The following TPO variants were observed in gnomAD, a reference collection of about 807,000 sequenced individuals.
TPO encodes the protein thyroid peroxidase, also known as thyroid microsomal antigen.
TPO carries 78 observed loss-of-function variants against 96.9 expected under a neutral mutation model. The ratio of observed to expected loss-of-function variants is 0.81; its 90% confidence interval spans 0.67 to 0.97. The LOEUF is 0.97. Among genes scored for constraint, TPO ranks in the 50% least tolerant of loss-of-function variants. TPO has a pLI of 0.00. For missense variants in TPO, 1,252 were observed against 1,274.8 expected (o/e 0.98, Z 0.27); for synonymous variants, 547 against 538.0 (o/e 1.02, Z -0.23).
At chr2:1,386,179 A>C (rs1039281848) in intron 1 of TPO, among the ~76,000 whole-genome samples, 1 of 152,162 alleles carries the variant, frequency 6.6e-6, no homozygotes, top group African/African-American at 2.4e-5. Flanking sequence ...GTGGAGAAGA[A>C]TGTATGTTCT....
At chr2:1,481,051 C>T (rs781280377) in intron 8 of TPO, among the ~76,000 whole-genome samples, 14 of 151,908 alleles carry the variant, frequency 9.2e-5, no homozygotes, top group Admixed American at 2.6e-4. Context: ...TCTCGGGGGA[C>T]TCGCACGTAG....
chr2:1,422,388 C>CTCTCCTGGACCGACCTCGT (rs1573110964), intron 2 of TPO, among the ~76,000 whole-genome samples: 2 of 152,026 alleles, frequency 1.3e-5, no homozygotes, highest in Admixed American at 1.3e-4. Context: ...GTGCAGGCGC[C>CTCTCCTGGACCGACCTCGT]GCGCTGGGCC....
At chr2:1,524,137 CTG>C (rs1484983206) in intron 15 of TPO, among the ~76,000 whole-genome samples, 1 of 128,142 alleles carries the variant, frequency 7.8e-6, no homozygotes, top group African/African-American at 3.0e-5. Context: ...ACCCCCAACT[CTG>C]TGCAACCTCC....
chr2:1,539,217 C>G (rs372938479), intron 15 of TPO, among the ~76,000 whole-genome samples: 18 of 152,184 alleles, frequency 1.2e-4, no homozygotes, highest in African/African-American at 3.6e-4. Flanking sequence ...GCTTTCACAT[C>G]GCACGAACAC....
chr2:1,463,672 G>A (rs1331310099), intron 7 of TPO, among the ~76,000 whole-genome samples: 1 of 152,176 alleles, frequency 6.6e-6, no homozygotes, highest in African/African-American at 2.4e-5. Flanking sequence ...TTAGGACTGG[G>A]CTTTTCTTCA....
chr2:1,537,278 C>T (rs1397728968), intron 15 of TPO, among the ~76,000 whole-genome samples: 1 of 127,470 alleles, frequency 7.8e-6, no homozygotes, highest in East Asian at 2.7e-4. Context: ...GTGCAACCTC[C>T]CCAAATCCCC....
chr2:1,537,470 TC>T (rs1680038781), intron 15 of TPO, among the ~76,000 whole-genome samples: 6 of 46,378 alleles, frequency 1.3e-4, no homozygotes, highest in Admixed American at 5.0e-4. Flanking sequence ...TGCAACCTCC[TC>T]AAATTCTTCC....
intron 3 of TPO, among the ~76,000 whole-genome samples, chr2:1,428,100 T>C (rs1664613895): frequency 6.6e-6 from 1 of 152,198 alleles, no homozygotes; most frequent in Admixed American, 6.5e-5. Context: ...AGTCAAAGTT[T>C]CCCTAATTTG....
intron 13 of TPO, among the ~76,000 whole-genome samples, chr2:1,502,316 CT>C (rs1256757432): frequency 6.6e-6 from 1 of 152,176 alleles, no homozygotes; most frequent in Admixed American, 6.5e-5. Flanking sequence ...TTAATAGCTG[CT>C]GCTAGATAGA....
chr2:1,446,771 GT>G (rs1279485881), intron 5 of TPO, among the ~76,000 whole-genome samples: 1 of 152,124 alleles, frequency 6.6e-6, no homozygotes, highest in African/African-American at 2.4e-5. Flanking sequence ...AAGAAACGTT[GT>G]TCATATTTTT....
At chr2:1,504,796 G>A (rs1167461863) in intron 14 of TPO, among the ~76,000 whole-genome samples, 2 of 152,194 alleles carry the variant, frequency 1.3e-5, no homozygotes, top group South Asian at 2.1e-4. Context: ...TCCGTAGCTG[G>A]CCGGGAATTT....
intron 7 of TPO, among the ~76,000 whole-genome samples, chr2:1,471,449 C>A (rs879273892): frequency 1.2e-4 from 18 of 151,814 alleles, no homozygotes; most frequent in Admixed American, 9.2e-4. Context: ...GACCCCCCCC[C>A]ACAAATTTTG....
rs1667774942 is a variant in TPO at position 1,456,229 on chromosome 2, G to A, written c.766G>A (p.Gly256Arg). 3 of 1,614,014 alleles carry A rather than the reference G, an allele frequency of 1.9e-6. No homozygotes were observed. Among genetic ancestry groups the A allele is most frequent in the Admixed American group, 1.7e-5 (1 of 60,010 alleles). ...CACCAGCAAAGCTGCCTTCGGGGGA[G>A]GGGCTGACTGCCAGATGACTTGTGA... is the stretch of plus-strand genomic sequence containing the variant. ...QSTSKAAFGG[G>R]ADCQMTCENQ... Residue 256 changes from glycine to arginine, a missense_variant, in exon 7 of 17, where the codon GGG (glycine) becomes AGG (arginine). Gly to Arg is a moderately radical substitution (Grantham distance 125). Transcript: ENST00000329066.
intron 3 of TPO, among the ~76,000 whole-genome samples, chr2:1,425,183 CCA>C (rs1664216055): frequency 6.6e-6 from 1 of 151,292 alleles, no homozygotes; most frequent in Non-Finnish European, 1.5e-5. Flanking sequence ...TCTCAGAAGT[CCA>C]TGCTCCTTCT....
At position 1,511,873 on chromosome 2, in the gene TPO, T is replaced by C. The variant is rs538654591; in HGVS notation, c.2519-5010T>C. 2.6e-3 allele frequency among the ~76,000 whole-genome samples: 395 copies of C among 152,322 alleles called. 2 individuals carry two copies. The highest frequency in any genetic ancestry group is 3.9e-3 in the Non-Finnish European group (265 of 68,028). On this transcript the variant is annotated intron_variant, in intron 14 of 16. Transcript: ENST00000329066. ...ACCCGGTTCAGCCCACGACAGCCAA[T>C]TGGTCCATAGTGCCATCTTTTAATC...
intron 2 of TPO, among the ~76,000 whole-genome samples, chr2:1,415,207 G>A (rs867660410): frequency 2.4e-4 from 35 of 147,130 alleles, no homozygotes; most frequent in Middle Eastern, 3.6e-3. Context: ...TCTGCACACA[G>A]TCCCGGGGCC....
chr2:1,436,153 A>G (rs1413588636), intron 4 of TPO, 99 bp from the exon 5 acceptor site: 1 of 1,591,700 alleles, frequency 6.3e-7, no homozygotes, highest in East Asian at 2.2e-5. Context: ...ATGAATCCCA[A>G]ATTCAGATGC....
In TPO at chr2:1,478,348, C is replaced by T. The variant is rs1670187100; in HGVS notation, c.1338+744C>T. ...CGAGTCACCGTGTGTGTCTGTTGCACCAGGCCCTGTGGCGGCCTGGGCATC... is the reference window on the plus strand; with the variant it reads ...CGAGTCACCGTGTGTGTCTGTTGCATCAGGCCCTGTGGCGGCCTGGGCATC... On this transcript the variant is annotated intron_variant, in intron 8 of 16. Transcript: ENST00000329066. The T allele has an allele frequency of 4.1e-6, 4 of 985,450 alleles. No individual in the cohort carries two copies. The South Asian group carries it at 1.9e-4, about 46-fold the overall frequency. 61.0% of individuals were successfully genotyped at this position (985,450 alleles called of 1,614,324 possible). A position where few individuals can be genotyped will look rare whatever the true frequency, so the allele number is the denominator to read the frequency against.
chr2:1,427,943 A>G (rs988057971), intron 3 of TPO, among the ~76,000 whole-genome samples: 2 of 152,344 alleles, frequency 1.3e-5, no homozygotes, highest in Admixed American at 6.5e-5. Flanking sequence ...TGACAGACAG[A>G]AGAGCTAAAG....
Sources: gnomAD v4.1 joint callset for allele counts (sites outside exome capture counted in the v4.1 genomes callset) on GRCh38, gnomAD v4.1.1 for gene constraint, MANE v1.5 for transcripts, NCBI Gene and HGNC (gene_info 2026-07-23, HGNC 2026-07-21) for gene names.